Variants in HMCN1 observed in about 807,000 individuals in gnomAD.
HMCN1 encodes hemicentin-1.
HMCN1 carries 321 observed loss-of-function variants against 625.9 expected under a neutral mutation model. That is an observed-to-expected ratio of 0.51 (90% confidence interval 0.47 to 0.56). The LOEUF (loss-of-function observed/expected upper bound fraction) is 0.56, where lower values mean the gene tolerates loss of function less well. Among genes scored for constraint, HMCN1 ranks in the 20% least tolerant of loss-of-function variants. The probability of loss-of-function intolerance (pLI) is 0.00; values close to 1 mark genes in which losing one functional copy is unlikely to be tolerated. For synonymous variants in HMCN1, 2,425 were observed against 2,417.6 expected, an observed-to-expected ratio of 1.00 and a Z score of -0.09; for missense variants, 6,588 against 6,887.3, an observed-to-expected ratio of 0.96 and a Z score of 1.54.
At chr1:185,870,782 G>A (rs1663561317) in intron 4 of HMCN1, among the ~76,000 whole-genome samples, 1 of 152,106 alleles carries the variant, frequency 6.6e-6, no homozygotes, top group Non-Finnish European at 1.5e-5. Flanking sequence ...AATTACTTCT[G>A]TAATTCTCTC....
Position 186,166,347 on chromosome 1 carries a change from A to G in HMCN1, c.15439+44A>G, listed in dbSNP as rs150642943. ...CACACATTTAAGCAATGGGTCAAGGATTTCTTTGACCTAGAAAAAGTATGA... is the reference window on the plus strand; with the variant it reads ...CACACATTTAAGCAATGGGTCAAGGGTTTCTTTGACCTAGAAAAAGTATGA... On this transcript the variant is annotated intron_variant, in intron 99 of 106. Coordinates refer to ENST00000271588, the MANE Select transcript of HMCN1 (RefSeq NM_031935.3). 3 of 1,612,302 alleles carry G rather than the reference A, an allele frequency of 1.9e-6. No homozygotes were observed. The African/African-American group carries it at 4.0e-5, about 21-fold the overall frequency.
At chr1:185,964,003 A>G (rs2102561311) in intron 13 of HMCN1, 108 bp downstream of exon 13, 1 of 910,100 alleles carries the variant, frequency 1.1e-6, no homozygotes. Flanking sequence ...ACATGGTATT[A>G]TACTTTATTA....
intron 86 of HMCN1, among the ~76,000 whole-genome samples, 180 bp from the exon 87 acceptor site, chr1:186,136,487 TA>T (rs1278459284): frequency 2.0e-5 from 3 of 152,076 alleles, no homozygotes; most frequent in African/African-American, 7.2e-5. Context: ...ATTTACTAAA[TA>T]AAAAAGAATT....
rs2102683597 is a variant in HMCN1, at chr1:186,188,002, G to A, written c.16534G>A (p.Val5512Ile). Reference sequence around the variant, plus strand: ...TCCACCCAACTACCAACGGGATCCTGTTTCAGGGTATGTCTTGCCTTCTCA... The same window carrying A: ...TCCACCCAACTACCAACGGGATCCTATTTCAGGGTATGTCTTGCCTTCTCA... Reference protein sequence around the residue: ...PCPPNYQRDPVSGFCLKNCPP... With the variant: ...PCPPNYQRDPISGFCLKNCPP... Residue 5512 changes from valine to isoleucine, a missense_variant, in exon 106 of 107, where the codon GTT (valine) becomes ATT (isoleucine). Val to Ile is a conservative substitution (Grantham distance 29). Transcript: ENST00000271588. 3 of 1,613,826 alleles carry A rather than the reference G, an allele frequency of 1.9e-6. No individual in the cohort carries two copies. Among genetic ancestry groups the A allele is most frequent in the African/African-American group, 2.7e-5 (2 of 75,010 alleles).
chr1:186,002,701 T>C (rs1408961053), intron 28 of HMCN1, among the ~76,000 whole-genome samples: 1 of 152,060 alleles, frequency 6.6e-6, no homozygotes, highest in Non-Finnish European at 1.5e-5. Context: ...CCTAGGGATA[T>C]ATAGCTAATT....
At chr1:185,975,182 G>A (rs72718870) in intron 15 of HMCN1, among the ~76,000 whole-genome samples, 15,306 of 152,080 alleles carry the variant, frequency 0.1, 2,053 homozygotes, top group African/African-American at 0.31. Context: ...AATGATTTCC[G>A]TTTATCCAGA....
chr1:186,144,503 G>A (rs1650160318), intron 90 of HMCN1, 30 bp from the exon 91 acceptor site: 2 of 1,614,034 alleles, frequency 1.2e-6, no homozygotes, highest in South Asian at 1.1e-5. Flanking sequence ...TAGGTAGTAA[G>A]AAAGCATGTA....
rs1420846513 is a variant in HMCN1, at chr1:186,018,322, C to A, written c.5440C>A (p.His1814Asn). ...RCMAANTAGDHKKEFEVTVHV... is the reference protein window; with the variant it reads ...RCMAANTAGDNKKEFEVTVHV... ...CATGGCAGCAAATACTGCTGGAGACCACAAGAAGGAATTTGAAGTGACTGT... is the reference window on the plus strand; with the variant it reads ...CATGGCAGCAAATACTGCTGGAGACAACAAGAAGGAATTTGAAGTGACTGT... Residue 1814 changes from histidine to asparagine, a missense_variant, in exon 34 of 107, where the codon CAC becomes AAC. By Grantham distance (68) the His-to-Asn change is moderately conservative (BLOSUM62 1). Around this residue, in one of 3 missense-constraint regions of HMCN1, gnomAD observed 4,628 missense variants for 4,853.1 expected, o/e 0.95. Coordinates refer to ENST00000271588, the MANE Select transcript of HMCN1 (RefSeq NM_031935.3). 1 of 1,612,618 alleles carries A rather than the reference C, an allele frequency of 6.2e-7. No individual in the cohort carries two copies. The highest frequency in any genetic ancestry group is 1.3e-5 in the African/African-American group (1 of 74,814).
At chr1:186,035,993 C>T (rs1472375281) in intron 36 of HMCN1, among the ~76,000 whole-genome samples, 1 of 151,918 alleles carries the variant, frequency 6.6e-6, no homozygotes, top group Non-Finnish European at 1.5e-5. Flanking sequence ...TTGAATTTTT[C>T]TTGCTTTTTA....
At chr1:185,847,525 C>G (rs1661897453) in intron 2 of HMCN1, among the ~76,000 whole-genome samples, 1 of 152,212 alleles carries the variant, frequency 6.6e-6, no homozygotes, top group African/African-American at 2.4e-5. Context: ...AAATGAAGCC[C>G]TCTGCTTCCT....
intron 6 of HMCN1, among the ~76,000 whole-genome samples, chr1:185,918,658 G>A (rs1338000486): frequency 6.6e-6 from 1 of 152,110 alleles, no homozygotes; most frequent in Non-Finnish European, 1.5e-5. Context: ...TGCTCACACT[G>A]CAGCAGCCTG....
chr1:186,146,007 C>A, intron 93 of HMCN1, 84 bp downstream of exon 93: 3 of 1,373,154 alleles, frequency 2.2e-6, no homozygotes, highest in Non-Finnish European at 3.1e-6. Context: ...CAAAACAATG[C>A]CAACCCTGAG....
chr1:185,872,302 G>A (rs1663668213), intron 4 of HMCN1, among the ~76,000 whole-genome samples: 1 of 152,010 alleles, frequency 6.6e-6, no homozygotes, highest in Admixed American at 6.5e-5. Flanking sequence ...ATGAGTATGT[G>A]CTAGGAATGC....
At chr1:186,133,895 C>G (rs1232574447) in intron 86 of HMCN1, among the ~76,000 whole-genome samples, 3 of 130,816 alleles carry the variant, frequency 2.3e-5, no homozygotes, top group Non-Finnish European at 4.8e-5. Flanking sequence ...TTAGGCATAC[C>G]AAATTTCTTT....
rs1470374067 is a variant in HMCN1, at chr1:186,088,603, T to C, written c.9578-3T>C. The C allele has an allele frequency of 1.2e-6, 2 of 1,611,078 alleles. No individual in the cohort carries two copies. Among genetic ancestry groups the C allele is most frequent in the African/African-American group, 2.7e-5 (2 of 74,802 alleles). On this transcript the variant is annotated splice_polypyrimidine_tract_variant and splice_region_variant and intron_variant, in intron 62 of 106. Coordinates refer to ENST00000271588, the MANE Select transcript of HMCN1 (RefSeq NM_031935.3). ...TTTTATTGTGCTTTGTTTCTACCTC[T>C]AGAAAATTCTGACTCACTGGAAGTT... is the stretch of plus-strand genomic sequence containing the variant.
chr1:185,801,223 G>A (rs771375340), intron 1 of HMCN1, among the ~76,000 whole-genome samples: 3 of 152,204 alleles, frequency 2.0e-5, no homozygotes, highest in Non-Finnish European at 4.4e-5. Context: ...ATTTATTCAT[G>A]TTAGTGATGA....
At chr1:185,983,197 A>G (rs575433543) in intron 18 of HMCN1, among the ~76,000 whole-genome samples, 76 of 152,274 alleles carry the variant, frequency 5.0e-4, no homozygotes, top group African/African-American at 1.8e-3. Flanking sequence ...AAGGATGTGA[A>G]AAATGTTTAC....
chr1:186,009,483 T>C (rs1256283846), intron 30 of HMCN1, among the ~76,000 whole-genome samples: 2 of 150,962 alleles, frequency 1.3e-5, no homozygotes, highest in African/African-American at 2.4e-5. Context: ...GTTCTTAAAA[T>C]GAAAAAAAAA....
chr1:186,175,298 C>G (rs964321836), intron 103 of HMCN1, among the ~76,000 whole-genome samples: 2 of 152,180 alleles, frequency 1.3e-5, no homozygotes, highest in Non-Finnish European at 2.9e-5. Context: ...TTAGAATATT[C>G]AATTGCACTA....
Sources: allele counts gnomAD v4.1 joint callset (sites outside exome capture counted in the v4.1 genomes callset), GRCh38; gene constraint gnomAD v4.1.1; regional missense constraint gnomAD v4.1.1; transcripts MANE v1.5; gene names NCBI Gene and HGNC (gene_info 2026-07-23, HGNC 2026-07-21).